The following OR2L13 variants were observed in gnomAD, a reference collection of about 807,000 sequenced individuals.
OR2L13 encodes the protein olfactory receptor family 2 subfamily L member 13, also known as olfactory receptor 2L13.
A neutral mutation model predicts 15.3 loss-of-function variants in OR2L13; 14 were observed. That is an observed-to-expected ratio of 0.91 (90% CI 0.60 to 1.43). OR2L13 has a LOEUF of 1.43. OR2L13 is among the 40% of genes most tolerant of loss of function. OR2L13 has a pLI of 0.00. For synonymous variants in OR2L13, 152 were observed against 142.9 expected, an observed-to-expected ratio of 1.06 and a Z score of -0.45; for missense variants, 367 against 387.9, an observed-to-expected ratio of 0.95 and a Z score of 0.45.
the OR2L13 span, among the ~76,000 whole-genome samples, chr1:247,968,538 C>T: frequency 1.3e-5 from 2 of 150,468 alleles, no homozygotes; most frequent in African/African-American, 4.9e-5. Flanking sequence ...TGTTCCCCAC[C>T]CTGTATCCAA....
the OR2L13 span, among the ~76,000 whole-genome samples, chr1:247,940,058 A>G: frequency 6.6e-6 from 1 of 152,200 alleles, no homozygotes; most frequent in East Asian, 1.9e-4. Context: ...ACTCCACTTG[A>G]AATTACCATT....
chr1:248,073,959 C>T, the OR2L13 span, among the ~76,000 whole-genome samples: 3 of 151,434 alleles, frequency 2.0e-5, no homozygotes, highest in Non-Finnish European at 4.4e-5. Context: ...TAAGAAAAGC[C>T]CACTAATTGT....
chr1:248,012,755 ATGAAAT>A, the OR2L13 span, among the ~76,000 whole-genome samples: 1 of 152,134 alleles, frequency 6.6e-6, no homozygotes, highest in Non-Finnish European at 1.5e-5. Context: ...AAATAAAAAC[ATGAAAT>A]TGAAACCCAT....
chr1:247,965,338 A>G, the OR2L13 span: 2 of 1,558,232 alleles, frequency 1.3e-6, no homozygotes, highest in African/African-American at 1.4e-5. Flanking sequence ...TTACATGAAC[A>G]TTTCAGATGT....
chr1:248,079,096 T>C, the OR2L13 span, among the ~76,000 whole-genome samples: 1 of 151,952 alleles, frequency 6.6e-6, no homozygotes, highest in Non-Finnish European at 1.5e-5. Flanking sequence ...GATAAAAATT[T>C]CATTGAATTT....
chr1:248,083,426 A>G, the OR2L13 span: 1 of 533,440 alleles, frequency 1.9e-6, no homozygotes, highest in African/African-American at 1.9e-5. Context: ...ATACAAAGTA[A>G]TATATAGATT....
the OR2L13 span, among the ~76,000 whole-genome samples, chr1:248,074,014 T>G: frequency 6.6e-6 from 1 of 152,168 alleles, no homozygotes; most frequent in Admixed American, 6.6e-5. Context: ...TAAATCTCTG[T>G]TCTGTGAAAT....
At chr1:247,949,928 T>G in the OR2L13 span, 1 of 588,564 alleles carries the variant, frequency 1.7e-6, no homozygotes. Flanking sequence ...CACTGATATA[T>G]GGACAAAATT....
At chr1:248,043,012 C>T in the OR2L13 span, among the ~76,000 whole-genome samples, 1 of 152,280 alleles carries the variant, frequency 6.6e-6, no homozygotes, top group African/African-American at 2.4e-5. Flanking sequence ...CCACCATGAG[C>T]AGTTTCCAAT....
At chr1:248,072,868 T>C in the OR2L13 span, among the ~76,000 whole-genome samples, 6 of 151,390 alleles carry the variant, frequency 4.0e-5, no homozygotes, top group Admixed American at 3.9e-4. Context: ...AAAAAACACA[T>C]GAAAAAATGC....
Position 248,099,330 on chromosome 1 carries a change from G to T in OR2L13, c.-18-28G>T, listed in dbSNP as rs762170912. On this transcript the variant is annotated intron_variant, in intron 2 of 2. Coordinates refer to ENST00000641714, the Ensembl canonical transcript of OR2L13. ...TGTTTTATTTCATGTTTTGTGCTTT[G>T]CTTTTGTTTCTATTTCTCTTTCAAC... The T allele has an allele frequency of 4.7e-6, 6 of 1,267,234 alleles. No homozygotes were observed. In the East Asian group the frequency reaches 1.4e-4, roughly 30 times the overall value. The allele number at this position is 1,267,234 out of a possible 1,614,324, so 78.5% of individuals were successfully genotyped here. A position where few individuals can be genotyped will look rare whatever the true frequency, so the allele number is the denominator to read the frequency against.
the OR2L13 span, chr1:247,990,461 C>T: frequency 3.8e-6 from 6 of 1,581,518 alleles, no homozygotes; most frequent in Non-Finnish European, 5.2e-6. Flanking sequence ...TTAGTCAGCT[C>T]TCCCTCATTG....
the OR2L13 span, among the ~76,000 whole-genome samples, chr1:247,940,134 A>G: frequency 6.6e-6 from 1 of 152,158 alleles, no homozygotes; most frequent in Non-Finnish European, 1.5e-5. Context: ...ACATACACAT[A>G]TATACATACA....
chr1:247,992,923 T>G, the OR2L13 span, among the ~76,000 whole-genome samples: 20 of 152,168 alleles, frequency 1.3e-4, no homozygotes, highest in African/African-American at 3.6e-4. Flanking sequence ...AAATGGTATC[T>G]CTAAGTATTT....
At chr1:248,024,893 C>CT in the OR2L13 span, among the ~76,000 whole-genome samples, 4 of 152,092 alleles carry the variant, frequency 2.6e-5, no homozygotes, top group Admixed American at 6.6e-5. Context: ...GATGCGGGCT[C>CT]TTTTTTGGTT....
the OR2L13 span, among the ~76,000 whole-genome samples, chr1:247,953,185 C>T: frequency 2.6e-5 from 4 of 152,156 alleles, no homozygotes; most frequent in African/African-American, 9.7e-5. Flanking sequence ...GATAATTCCT[C>T]TTGATGGGGA....
upstream of OR2L13, among the ~76,000 whole-genome samples, chr1:248,090,923 T>G (rs546512052): frequency 6.6e-6 from 1 of 152,326 alleles, no homozygotes; most frequent in African/African-American, 2.4e-5. Flanking sequence ...AGCGTTCCCT[T>G]TTCTCTGCAT....
the OR2L13 span, among the ~76,000 whole-genome samples, chr1:248,031,199 T>C: frequency 2.0e-5 from 3 of 152,176 alleles, no homozygotes; most frequent in East Asian, 1.9e-4. Flanking sequence ...GAAACAGATA[T>C]ATAATGGCTG....
the OR2L13 span, among the ~76,000 whole-genome samples, chr1:248,089,062 G>T: frequency 6.6e-6 from 1 of 152,060 alleles, no homozygotes; most frequent in Non-Finnish European, 1.5e-5. Flanking sequence ...TCAGATGCCA[G>T]TCTCAAGTAG....
Sources: gnomAD v4.1 joint callset for allele counts (sites outside exome capture counted in the v4.1 genomes callset) on GRCh38, gnomAD v4.1.1 for gene constraint, MANE v1.5 for transcripts, NCBI Gene and HGNC (gene_info 2026-07-23, HGNC 2026-07-21) for gene names.